PARD3B: variants seen among roughly 807,000 people sequenced by gnomAD.
The protein encoded by PARD3B is partitioning defective 3 homolog B.
A neutral mutation model predicts 130.2 loss-of-function variants in PARD3B; 103 were observed. The ratio of observed to expected loss-of-function variants is 0.79; its 90% CI spans 0.67 to 0.93. PARD3B has a LOEUF of 0.93. Among genes scored for constraint, PARD3B ranks in the 40% least tolerant of loss-of-function variants. The pLI, the probability that PARD3B is intolerant of heterozygous loss-of-function variation, is 0.00. For synonymous variants in PARD3B, 583 were observed against 553.2 expected (o/e 1.05, Z -0.76); for missense variants, 1,609 against 1,499.2 (o/e 1.07, Z -1.21).
At chr2:204,616,508 A>G (rs1172246869) in intron 1 of PARD3B, among the ~76,000 whole-genome samples, 1 of 152,170 alleles carries the variant, frequency 6.6e-6, no homozygotes, top group Non-Finnish European at 1.5e-5. Context: ...GAACTCGTTC[A>G]TTACTGGTGG....
intron 22 of PARD3B, among the ~76,000 whole-genome samples, chr2:205,569,566 A>G (rs941009564): frequency 1.3e-5 from 2 of 152,336 alleles, no homozygotes; most frequent in African/African-American, 4.8e-5. Context: ...TGATATTGTT[A>G]TAACTAAAAA....
At chr2:204,956,498 A>G in intron 2 of PARD3B, among the ~76,000 whole-genome samples, 1 of 151,722 alleles carries the variant, frequency 6.6e-6, no homozygotes, top group South Asian at 2.1e-4. Flanking sequence ...AGTTAAGATT[A>G]ACTTGAAGAA....
intron 21 of PARD3B, among the ~76,000 whole-genome samples, chr2:205,548,908 T>C (rs1404848663): frequency 3.3e-5 from 5 of 151,998 alleles, no homozygotes; most frequent in Non-Finnish European, 7.4e-5. Flanking sequence ...GAAAGAAATC[T>C]TAAAACTCAA....
chr2:205,401,192 C>A, intron 19 of PARD3B, 69 bp downstream of exon 19: 1 of 1,218,208 alleles, frequency 8.2e-7, no homozygotes, highest in South Asian at 1.3e-5. Flanking sequence ...GATATTGCAA[C>A]AGTCAACTGG....
intron 2 of PARD3B, among the ~76,000 whole-genome samples, chr2:204,928,540 T>C (rs1206867739): frequency 6.6e-6 from 1 of 152,112 alleles, no homozygotes. Context: ...ACAATGTGAC[T>C]TGGTGCTTAA....
rs144363314 is a variant in PARD3B at position 204,846,646 on chromosome 2, A to G, written c.223-118506A>G. ...TCTGTTTCTCTCTCTTTCCCCAGCTATGTGTGTACAAGTACAAACAAGGTC... is the reference window on the plus strand; with the variant it reads ...TCTGTTTCTCTCTCTTTCCCCAGCTGTGTGTGTACAAGTACAAACAAGGTC... On this transcript the variant is annotated intron_variant, in intron 2 of 22. Transcript: ENST00000406610. Among the ~76,000 whole-genome samples, 274 of 150,632 alleles carry G rather than the reference A, an allele frequency of 1.8e-3. 1 individual carries two copies. Among genetic ancestry groups the G allele is most frequent in the African/African-American group, 6.4e-3 (260 of 40,882 alleles).
chr2:204,738,165 G>T (rs1574855646), intron 2 of PARD3B, among the ~76,000 whole-genome samples: 1 of 152,154 alleles, frequency 6.6e-6, no homozygotes, highest in African/African-American at 2.4e-5. Flanking sequence ...TCTTTAGGCA[G>T]TATGGTCATT....
At chr2:204,919,837 G>A (rs2047596794) in intron 2 of PARD3B, among the ~76,000 whole-genome samples, 1 of 152,094 alleles carries the variant, frequency 6.6e-6, no homozygotes, top group Non-Finnish European at 1.5e-5. Context: ...GTGTATATAA[G>A]AGGCTTTTCT....
At chr2:205,513,459 T>C (rs2050670057) in intron 21 of PARD3B, among the ~76,000 whole-genome samples, 1 of 152,102 alleles carries the variant, frequency 6.6e-6, no homozygotes, top group Admixed American at 6.6e-5. Context: ...TTTTCCCCTT[T>C]GTTGGTTCAT....
At chr2:205,406,413 T>C (rs1206847655) in intron 19 of PARD3B, among the ~76,000 whole-genome samples, 1 of 152,156 alleles carries the variant, frequency 6.6e-6, no homozygotes, top group Non-Finnish European at 1.5e-5. Context: ...GTGAGTTTGT[T>C]GACACTGAAA....
chr2:205,162,630 G>C (rs1368444160), intron 11 of PARD3B, among the ~76,000 whole-genome samples: 3 of 152,226 alleles, frequency 2.0e-5, no homozygotes, highest in Non-Finnish European at 2.9e-5. Context: ...GCAGAATGAA[G>C]TTACGACATC....
At chr2:205,249,014 T>TG (rs1360599143) in intron 16 of PARD3B, among the ~76,000 whole-genome samples, 2 of 145,284 alleles carry the variant, frequency 1.4e-5, no homozygotes, top group African/African-American at 2.6e-5. Context: ...GAGTTTTTTT[T>TG]TTTTTTTTTT....
intron 22 of PARD3B, among the ~76,000 whole-genome samples, chr2:205,603,609 CTTCT>C (rs1386699335): frequency 1.3e-5 from 2 of 152,152 alleles, no homozygotes; most frequent in African/African-American, 4.8e-5. Context: ...ATGTAATACT[CTTCT>C]TTGTCTTTTT....
intron 10 of PARD3B, among the ~76,000 whole-genome samples, chr2:205,151,179 C>G (rs2033730005): frequency 6.6e-6 from 1 of 152,094 alleles, no homozygotes; most frequent in South Asian, 2.1e-4. Flanking sequence ...GCTTTACTTC[C>G]AACTATGTGG....
chr2:204,852,839 A>T (rs2044764152), intron 2 of PARD3B, among the ~76,000 whole-genome samples: 1 of 152,174 alleles, frequency 6.6e-6, no homozygotes, highest in South Asian at 2.1e-4. Flanking sequence ...TTTAGTTGTC[A>T]CTAATAAAAT....
In PARD3B at chr2:204,920,108, A is replaced by G. The variant is rs555757383; in HGVS notation, c.223-45044A>G. 3.9e-5 allele frequency among the ~76,000 whole-genome samples: 6 copies of G among 152,294 alleles called. No individual in the cohort carries two copies. In the South Asian group the frequency reaches 8.3e-4, roughly 21 times the overall value. On this transcript the variant is annotated intron_variant, in intron 2 of 22. Transcript: ENST00000406610. ...AAGAACAATTACGGTGTTCCAGGTA[A>G]TTCTGTATCTATTGCCCCCTTCAGT... is the stretch of plus-strand genomic sequence containing the variant.
At chr2:205,002,497 T>C (rs1017370983) in intron 3 of PARD3B, among the ~76,000 whole-genome samples, 2 of 152,058 alleles carry the variant, frequency 1.3e-5, no homozygotes, top group Non-Finnish European at 2.9e-5. Context: ...TTTCACAGAG[T>C]CATCCTTGTC....
At chr2:204,922,496 T>C (rs142083840) in intron 2 of PARD3B, among the ~76,000 whole-genome samples, 50 of 152,134 alleles carry the variant, frequency 3.3e-4, no homozygotes, top group African/African-American at 1.1e-3. Flanking sequence ...GTTTAACAAG[T>C]TCCAGGCAGG....
intron 3 of PARD3B, among the ~76,000 whole-genome samples, chr2:205,023,021 T>G (rs1240036361): frequency 6.6e-6 from 1 of 152,168 alleles, no homozygotes; most frequent in Non-Finnish European, 1.5e-5. Flanking sequence ...CAAACTGATA[T>G]GAAATCATTA....
Sources: allele counts gnomAD v4.1 joint callset (sites outside exome capture counted in the v4.1 genomes callset), GRCh38; gene constraint gnomAD v4.1.1; transcripts MANE v1.5; gene names NCBI Gene and HGNC (gene_info 2026-07-23, HGNC 2026-07-21).